Variants in BTBD8 observed in about 807,000 individuals in gnomAD.
BTBD8 encodes the protein BTB/POZ domain-containing protein 8.
BTBD8 carries 110 observed loss-of-function variants against 162.9 expected under a neutral mutation model. The observed-to-expected ratio is 0.68, with a 90% confidence interval of 0.58 to 0.79. The LOEUF is 0.79. Ranked by LOEUF, BTBD8 falls within the 30% of genes least tolerant of loss-of-function variation. BTBD8 has a pLI of 0.00. For missense variants in BTBD8, 1,905 were observed against 2,085.4 expected, an observed-to-expected ratio of 0.91 and a Z score of 1.68; for synonymous variants, 667 against 716.1, an observed-to-expected ratio of 0.93 and a Z score of 1.10.
intron 7 of BTBD8, among the ~76,000 whole-genome samples, chr1:92,146,199 G>A (rs1022971203): frequency 1.0e-5 from 1 of 96,546 alleles, no homozygotes; most frequent in Non-Finnish European, 1.9e-5. Flanking sequence ...TAAAAATCGT[G>A]TGCATTCTTG....
intron 9 of BTBD8, among the ~76,000 whole-genome samples, chr1:92,162,379 G>C (rs1650290775): frequency 6.6e-6 from 1 of 152,344 alleles, no homozygotes; most frequent in African/African-American, 2.4e-5. Context: ...TGGGAGATGA[G>C]AGCCAGTGGT....
At chr1:92,139,665 T>A in intron 6 of BTBD8, 1 of 753,514 alleles carries the variant, frequency 1.3e-6, no homozygotes, top group Non-Finnish European at 1.7e-6. Context: ...AGACTTAAAT[T>A]TAGAAGAAGC....
chr1:92,181,250 A>T lies in BTBD8; in HGVS notation c.3567A>T (p.Lys1189Asn), dbSNP rs777112985. The T allele has an allele frequency of 2.0e-5, 31 of 1,551,614 alleles. No homozygotes were observed. The highest frequency in any genetic ancestry group is 2.4e-5 in the Non-Finnish European group (28 of 1,147,010). Residue 1189 changes from lysine to asparagine, a missense_variant, in exon 17 of 18, where the codon AAA (lysine) becomes AAT (asparagine). Physicochemically the swap from Lys to Asn is moderately conservative, Grantham distance 94. Around this residue, in one of 3 missense-constraint regions of BTBD8, gnomAD observed 1,374 missense variants for 1,442.7 expected, o/e 0.95. Transcript: ENST00000636805. ...LSDESAMDED[K>N]HATADSDVSS... is the part of the protein sequence containing the mutation. Reference sequence around the variant, plus strand: ...ATGAATCTGCTATGGATGAAGACAAACATGCTACAGCAGACTCAGATGTAT... The same window carrying T: ...ATGAATCTGCTATGGATGAAGACAATCATGCTACAGCAGACTCAGATGTAT...
intron 12 of BTBD8, among the ~76,000 whole-genome samples, chr1:92,170,105 G>A (rs1424241429): frequency 1.3e-5 from 2 of 152,046 alleles, no homozygotes; most frequent in Non-Finnish European, 2.9e-5. Flanking sequence ...CTCTATTTTA[G>A]AGGATTTCAT....
intron 4 of BTBD8, among the ~76,000 whole-genome samples, chr1:92,124,981 G>A (rs1461019256): frequency 2.0e-5 from 3 of 151,732 alleles, no homozygotes; most frequent in Non-Finnish European, 4.4e-5. Flanking sequence ...AAGATATTGT[G>A]GAATGTATTT....
chr1:92,167,359 G>A (rs1650410258), intron 10 of BTBD8, among the ~76,000 whole-genome samples: 1 of 152,174 alleles, frequency 6.6e-6, no homozygotes, highest in African/African-American at 2.4e-5. Flanking sequence ...GAGTGCCCTG[G>A]CAAGGCACAG....
Position 92,157,280 on chromosome 1 carries a change from G to T in BTBD8, c.1122+9494G>T, listed in dbSNP as rs183894603. Among the ~76,000 whole-genome samples the T allele has an allele frequency of 1.2e-4, 19 of 152,118 alleles. No homozygotes were observed. In the East Asian group the frequency reaches 3.1e-3, roughly 25 times the overall value. ...TCCATTGTGTTCAGAAAAGATGCTTGGTATGATTTCAGTTGTCTTAATTTT... is the reference window on the plus strand; with the variant it reads ...TCCATTGTGTTCAGAAAAGATGCTTTGTATGATTTCAGTTGTCTTAATTTT... On this transcript the variant is annotated intron_variant, in intron 9 of 17. Transcript: ENST00000636805.
At chr1:92,080,878 G>A (rs923422160) in intron 1 of BTBD8, among the ~76,000 whole-genome samples, 158 bp downstream of exon 1, 1 of 152,110 alleles carries the variant, frequency 6.6e-6, no homozygotes, top group African/African-American at 2.4e-5. Flanking sequence ...CCACTATTCC[G>A]AAAAGTGGCT....
chr1:92,080,814 C>T (rs1262007484), intron 1 of BTBD8, 94 bp downstream of exon 1: 26 of 1,515,902 alleles, frequency 1.7e-5, no homozygotes, highest in Non-Finnish European at 2.1e-5. Context: ...CTCCCCCTCC[C>T]TCAGCACTTG....
chr1:92,081,629 C>G (rs941897254), intron 1 of BTBD8, among the ~76,000 whole-genome samples: 2 of 152,060 alleles, frequency 1.3e-5, no homozygotes, highest in Non-Finnish European at 2.9e-5. Context: ...GCTGGAGCGC[C>G]GTGGCGCGAT....
chr1:92,182,084 A>G lies in BTBD8; in HGVS notation c.4401A>G (p.Ser1467=), dbSNP rs980971720. ...TPFQASVDSF[S]PSDVFDGISH... ...TTCAGGCTTCTGTAGATTCTTTTTCACCTTCTGATGTTTTTGATGGCATTT... is the reference window on the plus strand; with the variant it reads ...TTCAGGCTTCTGTAGATTCTTTTTCGCCTTCTGATGTTTTTGATGGCATTT... The change falls in exon 17 of 18, where the codon TCA becomes TCG. Residue 1467 remains serine, a synonymous_variant. Coordinates refer to ENST00000636805, the MANE Select transcript of BTBD8 (RefSeq NM_001376131.1). The G allele has an allele frequency of 1.9e-6, 3 of 1,551,442 alleles. No homozygotes were observed. Among genetic ancestry groups the G allele is most frequent in the Non-Finnish European group, 2.6e-6 (3 of 1,146,924 alleles).
rs147372688 is a variant in BTBD8, at chr1:92,149,083, G to T, written c.1122+1297G>T. Among the ~76,000 whole-genome samples, 580 of 152,266 alleles carry T rather than the reference G, an allele frequency of 3.8e-3. 4 individuals carry two copies. Among genetic ancestry groups the T allele is most frequent in the African/African-American group, 0.013 (549 of 41,550 alleles). On this transcript the variant is annotated intron_variant, in intron 9 of 17. Transcript: ENST00000636805. ...CAAAGGGAATATGGAGTGGTTAGTAGAAAAAGGTATGTAAAAATAACAGCT... is the reference window on the plus strand; with the variant it reads ...CAAAGGGAATATGGAGTGGTTAGTATAAAAAGGTATGTAAAAATAACAGCT...
At chr1:92,096,506 G>T (rs1648454608) in intron 2 of BTBD8, among the ~76,000 whole-genome samples, 1 of 151,494 alleles carries the variant, frequency 6.6e-6, no homozygotes, top group South Asian at 2.1e-4. Flanking sequence ...CCACCAGTAG[G>T]CACTTAGTGC....
Position 92,182,191 on chromosome 1 carries a change from A to T in BTBD8, c.4508A>T (p.Lys1503Ile), listed in dbSNP as rs1650932255. The change falls in exon 17 of 18, where the codon AAA (lysine) becomes ATA (isoleucine). Residue 1503 changes from lysine to isoleucine, a missense_variant. Around this residue, in one of 3 missense-constraint regions of BTBD8, gnomAD observed 517 missense variants for 606.6 expected, o/e 0.85. Transcript: ENST00000636805. ...AATATTTTAGAATGTAAACAAAATA[A>T]AGGCAATAGTGTATGTAAAAATGAA... is the stretch of plus-strand genomic sequence containing the variant. ...EDNILECKQN[K>I]GNSVCKNEST... 4 of 1,550,964 alleles carry T rather than the reference A, an allele frequency of 2.6e-6. No homozygotes were observed. Among genetic ancestry groups the T allele is most frequent in the Non-Finnish European group, 3.5e-6 (4 of 1,146,742 alleles).
chr1:92,151,047 T>A (rs1650031577), intron 9 of BTBD8, among the ~76,000 whole-genome samples: 1 of 152,108 alleles, frequency 6.6e-6, no homozygotes. Flanking sequence ...GCTGGTGAGA[T>A]ACCACTACAA....
In BTBD8 at chr1:92,177,036, A is replaced by G. The variant is rs1557466706; in HGVS notation, c.1843A>G (p.Ile615Val). 2 of 1,549,560 alleles carry G rather than the reference A, an allele frequency of 1.3e-6. No individual in the cohort carries two copies. Among genetic ancestry groups the G allele is most frequent in the South Asian group, 1.2e-5 (1 of 83,846 alleles). Reference protein sequence around the residue: ...DDVKEKDGTKIASKITKELKT... With the variant: ...DDVKEKDGTKVASKITKELKT... ...TGTAAAGGAAAAAGATGGTACAAAAATAGCATCTAAGATTACAAAAGAACT... is the reference window on the plus strand; with the variant it reads ...TGTAAAGGAAAAAGATGGTACAAAAGTAGCATCTAAGATTACAAAAGAACT... The change falls in exon 14 of 18, where the codon ATA becomes GTA. Residue 615 changes from isoleucine (I) to valine (V), a missense_variant. Around this residue, in one of 3 missense-constraint regions of BTBD8, gnomAD observed 1,374 missense variants for 1,442.7 expected, o/e 0.95. Transcript: ENST00000636805.
At chr1:92,147,975 A>C in intron 9 of BTBD8, 189 bp downstream of exon 9, 1 of 573,990 alleles carries the variant, frequency 1.7e-6, no homozygotes, top group Non-Finnish European at 3.1e-6. Flanking sequence ...CTCATCAGTC[A>C]GGGTTGAAAC....
At chr1:92,106,071 G>A (rs1648716481) in intron 3 of BTBD8, among the ~76,000 whole-genome samples, 1 of 152,202 alleles carries the variant, frequency 6.6e-6, no homozygotes, top group African/African-American at 2.4e-5. Flanking sequence ...TCAAATTTAA[G>A]TTAACAGTTT....
intron 3 of BTBD8, among the ~76,000 whole-genome samples, chr1:92,106,922 A>G (rs934251077): frequency 2.4e-4 from 36 of 151,808 alleles, no homozygotes; most frequent in Admixed American, 2.4e-3. Context: ...ATAAAACATA[A>G]AAGTAGCTGA....
Sources: allele counts gnomAD v4.1 joint callset (sites outside exome capture counted in the v4.1 genomes callset), GRCh38; gene constraint gnomAD v4.1.1; regional missense constraint gnomAD v4.1.1; transcripts MANE v1.5; gene names NCBI Gene and HGNC (gene_info 2026-07-23, HGNC 2026-07-21).